Variants in TAF4B observed in about 807,000 individuals in gnomAD.
TAF4B encodes TATA-box binding protein associated factor 4b, also known as transcription initiation factor TFIID subunit 4B.
In TAF4B, 38 loss-of-function variants were observed where a neutral mutation model predicts 86.4. The ratio of observed to expected loss-of-function variants is 0.44; its 90% confidence interval spans 0.34 to 0.58. The LOEUF is 0.58. Among genes scored for constraint, TAF4B ranks in the 20% least tolerant of loss-of-function variants. TAF4B has a pLI of 0.02. For missense variants in TAF4B, 988 were observed against 1,027.6 expected (o/e 0.96, Z 0.53); for synonymous variants, 388 against 391.2 (o/e 0.99, Z 0.10).
chr18:26,265,003 G>T (rs1470044392), intron 1 of TAF4B, among the ~76,000 whole-genome samples, 167 bp from the exon 2 acceptor site: 1 of 152,124 alleles, frequency 6.6e-6, no homozygotes, highest in African/African-American at 2.4e-5. Context: ...TAAATAGCTT[G>T]GAGTAAAAAC....
At chr18:26,369,796 G>A (rs921233814) in intron 14 of TAF4B, among the ~76,000 whole-genome samples, 1 of 152,186 alleles carries the variant, frequency 6.6e-6, no homozygotes, top group Admixed American at 6.5e-5. Flanking sequence ...GCCATATTTT[G>A]TATCATTTAT....
chr18:26,230,770 CTA>C (rs1162887463), intron 1 of TAF4B, among the ~76,000 whole-genome samples: 7 of 152,240 alleles, frequency 4.6e-5, no homozygotes, highest in African/African-American at 7.2e-5. Context: ...ATCAGGGACT[CTA>C]TGTCGCTATT....
chr18:26,234,457 A>G (rs1029202694), intron 1 of TAF4B, among the ~76,000 whole-genome samples: 4 of 152,238 alleles, frequency 2.6e-5, no homozygotes, highest in African/African-American at 4.8e-5. Flanking sequence ...CATACTTGCT[A>G]TCTGTATACA....
At chr18:26,312,375 C>G (rs1296894902) in intron 9 of TAF4B, among the ~76,000 whole-genome samples, 1 of 152,120 alleles carries the variant, frequency 6.6e-6, no homozygotes, top group Non-Finnish European at 1.5e-5. Flanking sequence ...ACCTTTTCCT[C>G]TTTCCTCAGT....
At chr18:26,299,590 G>T (rs1954672867) in intron 9 of TAF4B, among the ~76,000 whole-genome samples, 1 of 151,982 alleles carries the variant, frequency 6.6e-6, no homozygotes, top group Admixed American at 6.6e-5. Context: ...CTTTTGTGTA[G>T]AATTGTTATG....
Position 26,227,233 on chromosome 18 carries a change from C to T in TAF4B, c.300C>T (p.Asn100=), listed in dbSNP as rs1568086445. The T allele has an allele frequency of 1.4e-5, 23 of 1,613,744 alleles. No individual in the cohort carries two copies. The highest frequency in any genetic ancestry group is 1.9e-5 in the Non-Finnish European group (23 of 1,179,868). Reference sequence around the variant, plus strand: ...AGATAGTCGCCGTGAAAGCCCCCAACACCACGACAATCCAGTTTCCTGCTA... The same window carrying T: ...AGATAGTCGCCGTGAAAGCCCCCAATACCACGACAATCCAGTTTCCTGCTA... The part of the protein sequence containing the change: ...APQIVAVKAP[N]TTTIQFPANL... The change falls in exon 1 of 15, where the codon AAC becomes AAT. Residue 100 remains asparagine (N), a synonymous_variant. Coordinates refer to ENST00000269142, the MANE Select transcript of TAF4B (RefSeq NM_005640.3).
At chr18:26,300,643 C>G (rs926583147) in intron 9 of TAF4B, among the ~76,000 whole-genome samples, 1 of 151,976 alleles carries the variant, frequency 6.6e-6, no homozygotes, top group Non-Finnish European at 1.5e-5. Context: ...ATTGAGACTT[C>G]TCAGTGTGAC....
At chr18:26,354,340 T>C (rs1352081252) in intron 13 of TAF4B, among the ~76,000 whole-genome samples, 1 of 152,218 alleles carries the variant, frequency 6.6e-6, no homozygotes, top group African/African-American at 2.4e-5. Flanking sequence ...CTCAAAATAC[T>C]GGGATTACAG....
At chr18:26,331,049 A>G (rs1487414147) in intron 12 of TAF4B, among the ~76,000 whole-genome samples, 3 of 152,106 alleles carry the variant, frequency 2.0e-5, no homozygotes. Context: ...CCGTAAGGAT[A>G]TGGAGCACCA....
At chr18:26,295,172 C>A (rs1317208414) in intron 9 of TAF4B, 4 of 354,124 alleles carry the variant, frequency 1.1e-5, no homozygotes, top group East Asian at 1.8e-4. Flanking sequence ...TTCCTCATCC[C>A]CCCATGTACA....
chr18:26,232,546 A>G (rs12964410), intron 1 of TAF4B, among the ~76,000 whole-genome samples: 3 of 152,222 alleles, frequency 2.0e-5, no homozygotes, highest in Non-Finnish European at 4.4e-5. Flanking sequence ...CACAGGACCT[A>G]GAAAGGGGAG....
chr18:26,343,758 C>T (rs2057154488), intron 13 of TAF4B, among the ~76,000 whole-genome samples: 1 of 152,102 alleles, frequency 6.6e-6, no homozygotes, highest in Non-Finnish European at 1.5e-5. Flanking sequence ...TTCATATACA[C>T]GAGTTCTGCA....
rs868483380 is a variant in TAF4B, at chr18:26,315,122, C to G, written c.1833-107C>G. On this transcript the variant is annotated intron_variant, in intron 9 of 14. Coordinates refer to ENST00000269142, the MANE Select transcript of TAF4B (RefSeq NM_005640.3). ...TCTCTCTCTCTCTCTCTCTCTCTCT[C>G]TCTCTCTCTCTCTCTCTCTCTCTGT... 4.9e-3 allele frequency: 1,486 copies of G among 302,340 alleles called. 28 individuals carry two copies. Among genetic ancestry groups the G allele is most frequent in the African/African-American group, 0.044 (1,102 of 25,050 alleles). 18.7% of individuals were successfully genotyped at this position (302,340 alleles called of 1,614,324 possible).
At chr18:26,243,574 T>G (rs2055876002) in intron 1 of TAF4B, among the ~76,000 whole-genome samples, 1 of 152,242 alleles carries the variant, frequency 6.6e-6, no homozygotes, top group Admixed American at 6.5e-5. Context: ...GTCTGAAGCC[T>G]TCTTCTCTCA....
rs1978611792 is a variant in TAF4B, at chr18:26,389,999, C to A, written c.2576C>A (p.Ala859Asp). Residue 859 changes from alanine (A) to aspartate (D), a missense_variant, in exon 15 of 15, where the codon GCC becomes GAC. Physicochemically the swap from Ala to Asp is moderately radical, Grantham distance 126 (BLOSUM62 -2). Coordinates refer to ENST00000269142, the MANE Select transcript of TAF4B (RefSeq NM_005640.3). ...EMKYSRALYL[A>D]LLK ...AAGTATTCTCGAGCTCTATACCTGG[C>A]CCTTCTGAAGTGACCACTCCACTCT... The A allele has an allele frequency of 6.2e-7, 1 of 1,613,622 alleles. No individual in the cohort carries two copies. The highest frequency in any genetic ancestry group is 8.5e-7 in the Non-Finnish European group (1 of 1,179,862).
chr18:26,236,162 C>T (rs1344686219), intron 1 of TAF4B, among the ~76,000 whole-genome samples: 1 of 152,172 alleles, frequency 6.6e-6, no homozygotes, highest in African/African-American at 2.4e-5. Flanking sequence ...ATAACTCCAG[C>T]TTTGGCTAAT....
At chr18:26,278,214 A>G (rs1470223404) in intron 5 of TAF4B, among the ~76,000 whole-genome samples, 1 of 152,228 alleles carries the variant, frequency 6.6e-6, no homozygotes, top group Non-Finnish European at 1.5e-5. Flanking sequence ...TACAATATTA[A>G]AGAGGTATCT....
At chr18:26,385,558 T>C in intron 14 of TAF4B, among the ~76,000 whole-genome samples, 1 of 127,536 alleles carries the variant, frequency 7.8e-6, no homozygotes, top group African/African-American at 2.5e-5. Flanking sequence ...GGTCGTTTCA[T>C]CTTTCATTTT....
Position 26,274,916 on chromosome 18 carries a change from C to A in TAF4B, c.760-15C>A, listed in dbSNP as rs756137448. The A allele has an allele frequency of 1.2e-6, 2 of 1,612,086 alleles. No individual in the cohort carries two copies. Among genetic ancestry groups the A allele is most frequent in the South Asian group, 2.2e-5 (2 of 90,616 alleles). ...TAACACTTGTGTTTGCTTATATTTA[C>A]ATTTTCATATTTAGACAATGCTAGA... On this transcript the variant is annotated splice_polypyrimidine_tract_variant and intron_variant, in intron 4 of 14. Coordinates refer to ENST00000269142, the MANE Select transcript of TAF4B (RefSeq NM_005640.3).
Sources: gnomAD v4.1 joint callset for allele counts (sites outside exome capture counted in the v4.1 genomes callset) on GRCh38, gnomAD v4.1.1 for gene constraint, MANE v1.5 for transcripts, NCBI Gene and HGNC (gene_info 2026-07-23, HGNC 2026-07-21) for gene names.